The following RNF144A variants were observed in gnomAD, a reference collection of about 807,000 sequenced individuals.
RNF144A encodes ring finger protein 144A.
Under a neutral mutation model 38.7 loss-of-function variants are expected in RNF144A, and 11 were observed. The ratio of observed to expected loss-of-function variants is 0.28; its 90% CI spans 0.18 to 0.47. RNF144A has a LOEUF of 0.47. Ranked by LOEUF, RNF144A falls within the 20% of genes least tolerant of loss-of-function variation. The probability of loss-of-function intolerance (pLI) is 0.99; values close to 1 mark genes in which losing one functional copy is unlikely to be tolerated. For synonymous variants in RNF144A, 149 were observed against 143.9 expected, an observed-to-expected ratio of 1.04 and a Z score of -0.25; for missense variants, 316 against 377.2, an observed-to-expected ratio of 0.84 and a Z score of 1.34.
chr2:7,022,324 C>A (rs144510437), intron 6 of RNF144A, among the ~76,000 whole-genome samples: 2 of 152,350 alleles, frequency 1.3e-5, no homozygotes, highest in East Asian at 3.9e-4. Flanking sequence ...CACCTGCGCA[C>A]CTCTTCAAGC....
chr2:6,918,190 C>T (rs1213256068), intron 1 of RNF144A: 2 of 152,330 alleles, frequency 1.3e-5, no homozygotes, highest in Non-Finnish European at 2.9e-5. Flanking sequence ...CGCGCGGGGT[C>T]CGCGGCTGCT....
rs1395838536 is a variant in RNF144A, at chr2:7,043,617, G to A, written c.*3857G>A. On this transcript the variant is annotated 3_prime_UTR_variant, in exon 9 of 9. Transcript: ENST00000320892. ...TAAACAAAATGAAGGGATTATGACA[G>A]GTATTACCAAAAACACCAAAAGGAA... 3 of 985,536 alleles carry A rather than the reference G, an allele frequency of 3.0e-6. No individual in the cohort carries two copies. Among genetic ancestry groups the A allele is most frequent in the Non-Finnish European group, 3.6e-6 (3 of 829,808 alleles). 61.0% of individuals were successfully genotyped at this position (985,536 alleles called of 1,614,324 possible).
At chr2:7,010,429 A>G (rs192409199) in intron 3 of RNF144A, among the ~76,000 whole-genome samples, 4 of 152,252 alleles carry the variant, frequency 2.6e-5, no homozygotes, top group Non-Finnish European at 5.9e-5. Context: ...CCAGATAAGC[A>G]CCTTTGAGCA....
intron 2 of RNF144A, among the ~76,000 whole-genome samples, chr2:6,977,287 G>A (rs1260207091): frequency 6.6e-6 from 1 of 152,240 alleles, no homozygotes; most frequent in African/African-American, 2.4e-5. Context: ...CAGGAGGCAG[G>A]CCCAGGGCTG....
downstream of RNF144A, among the ~76,000 whole-genome samples, chr2:7,046,652 C>A (rs1477343198): frequency 6.6e-6 from 1 of 152,138 alleles, no homozygotes; most frequent in Admixed American, 6.5e-5. Flanking sequence ...ACAGAAGGAC[C>A]CTCTTCCCTC....
chr2:6,969,168 A>T (rs939359342), intron 2 of RNF144A, among the ~76,000 whole-genome samples: 4 of 152,188 alleles, frequency 2.6e-5, no homozygotes, highest in Admixed American at 2.6e-4. Context: ...AATCCTCATT[A>T]TTCTAAATGG....
chr2:7,029,685 AAGATGC>A (rs1349953070), intron 7 of RNF144A, among the ~76,000 whole-genome samples: 2 of 152,232 alleles, frequency 1.3e-5, no homozygotes, highest in Admixed American at 6.5e-5. Flanking sequence ...CTGCACCAGG[AAGATGC>A]CAGGGCAGAG....
At chr2:6,986,334 A>G (rs1399900885) in intron 2 of RNF144A, among the ~76,000 whole-genome samples, 2 of 151,776 alleles carry the variant, frequency 1.3e-5, no homozygotes, top group Non-Finnish European at 2.9e-5. Context: ...GTCTTCTTCC[A>G]TTAGCTCAAG....
intron 2 of RNF144A, among the ~76,000 whole-genome samples, chr2:6,979,635 T>C (rs1668513562): frequency 6.6e-6 from 1 of 152,164 alleles, no homozygotes; most frequent in Non-Finnish European, 1.5e-5. Flanking sequence ...TTATTGTTTA[T>C]GAATGAGCCT....
At chr2:7,044,447 C>G (rs1050029903), downstream of RNF144A, among the ~76,000 whole-genome samples, 1 of 152,200 alleles carries the variant, frequency 6.6e-6, no homozygotes, top group African/African-American at 2.4e-5. Context: ...ATCAACCCGT[C>G]CAGCCATTCC....
At chr2:7,052,795 G>A (rs756264050) in intron 6 of RNF144A, among the ~76,000 whole-genome samples, 3 of 151,764 alleles carry the variant, frequency 2.0e-5, no homozygotes, top group Non-Finnish European at 4.4e-5. Flanking sequence ...TGCTCAGCTT[G>A]TATATGAAAC....
intron 2 of RNF144A, among the ~76,000 whole-genome samples, chr2:6,987,225 C>G (rs961928582): frequency 2.0e-5 from 3 of 152,198 alleles, no homozygotes; most frequent in Non-Finnish European, 4.4e-5. Flanking sequence ...CAATTGTTTT[C>G]CAAGCCAGGT....
At chr2:7,073,408 T>G in the RNF144A span, among the ~76,000 whole-genome samples, 1 of 140,596 alleles carries the variant, frequency 7.1e-6, no homozygotes, top group Non-Finnish European at 1.5e-5. Context: ...CAACATGAGG[T>G]CAGAACATGT....
chr2:7,005,179 A>G (rs543027347), intron 3 of RNF144A, among the ~76,000 whole-genome samples: 32 of 152,290 alleles, frequency 2.1e-4, no homozygotes, highest in African/African-American at 7.5e-4. Flanking sequence ...CTTCAGCTGA[A>G]GGTCCCTCTG....
chr2:6,960,974 G>A (rs1439636394), intron 2 of RNF144A, among the ~76,000 whole-genome samples: 2 of 152,186 alleles, frequency 1.3e-5, no homozygotes, highest in Non-Finnish European at 2.9e-5. Flanking sequence ...GTGCGTGTGT[G>A]TGTACGTGTG....
At chr2:6,965,977 C>CA (rs1346146861) in intron 2 of RNF144A, among the ~76,000 whole-genome samples, 1 of 152,202 alleles carries the variant, frequency 6.6e-6, no homozygotes, top group African/African-American at 2.4e-5. Context: ...AACACACACA[C>CA]AAATACCAGA....
chr2:7,021,725 A>T (rs1023851), intron 6 of RNF144A, among the ~76,000 whole-genome samples: 19,380 of 152,234 alleles, frequency 0.13, 1,997 homozygotes, highest in East Asian at 0.55. Context: ...CGATTCTGCC[A>T]TCAGGATGAG....
At chr2:7,006,609 CG>C (rs1670457757) in intron 3 of RNF144A, among the ~76,000 whole-genome samples, 1 of 152,114 alleles carries the variant, frequency 6.6e-6, no homozygotes, top group Admixed American at 6.5e-5. Context: ...ACCCCAACCC[CG>C]AGCCCCTTCA....
At chr2:7,045,679 C>A (rs111340222), downstream of RNF144A, among the ~76,000 whole-genome samples, 546 of 152,290 alleles carry the variant, frequency 3.6e-3, 2 homozygotes, top group African/African-American at 0.013. Flanking sequence ...GGGGGTTAGG[C>A]TTCAACACTT....
Sources: gnomAD v4.1 joint callset for allele counts (sites outside exome capture counted in the v4.1 genomes callset) on GRCh38, gnomAD v4.1.1 for gene constraint, MANE v1.5 for transcripts, NCBI Gene and HGNC (gene_info 2026-07-23, HGNC 2026-07-21) for gene names.